Variants in CNTNAP2 observed in about 807,000 individuals in gnomAD.
CNTNAP2 encodes the protein contactin-associated protein-like 2.
In CNTNAP2, 98 loss-of-function variants were observed where a neutral mutation model predicts 155.2. The ratio of observed to expected loss-of-function variants is 0.63; its 90% CI spans 0.54 to 0.75. The LOEUF is 0.75. CNTNAP2 is among the 30% of genes least tolerant of loss of function. The probability of loss-of-function intolerance (pLI) is 0.00; values close to 1 mark genes in which losing one functional copy is unlikely to be tolerated. For missense variants in CNTNAP2, 1,727 were observed against 1,688.1 expected, an observed-to-expected ratio of 1.02 and a Z score of -0.40; for synonymous variants, 651 against 631.2, an observed-to-expected ratio of 1.03 and a Z score of -0.47.
intron 14 of CNTNAP2, among the ~76,000 whole-genome samples, chr7:147,961,863 T>C (rs1391652754): frequency 6.6e-6 from 1 of 152,260 alleles, no homozygotes; most frequent in East Asian, 1.9e-4. Context: ...TTAAAGGAAT[T>C]AAATTAGGAG....
chr7:146,197,015 A>C (rs562707151), intron 1 of CNTNAP2, among the ~76,000 whole-genome samples: 1 of 152,218 alleles, frequency 6.6e-6, no homozygotes, highest in Admixed American at 6.5e-5. Context: ...TTATTTCCTC[A>C]TAACCTCTCT....
chr7:147,439,268 A>G (rs1317145461), intron 10 of CNTNAP2, among the ~76,000 whole-genome samples: 1 of 151,972 alleles, frequency 6.6e-6, no homozygotes, highest in African/African-American at 2.4e-5. Flanking sequence ...CATATACCAT[A>G]GGTTTTGGTA....
At chr7:147,849,535 A>T (rs1308534173) in intron 13 of CNTNAP2, among the ~76,000 whole-genome samples, 3 of 152,218 alleles carry the variant, frequency 2.0e-5, no homozygotes, top group Non-Finnish European at 4.4e-5. Context: ...CAGCATTATC[A>T]ATTTAGAGCC....
intron 1 of CNTNAP2, among the ~76,000 whole-genome samples, chr7:146,248,327 G>T (rs902707373): frequency 1.3e-5 from 2 of 152,124 alleles, no homozygotes; most frequent in African/African-American, 4.8e-5. Flanking sequence ...AGGGGTTGGG[G>T]TACTTGCCCT....
At chr7:146,934,450 G>A (rs967570479) in intron 3 of CNTNAP2, among the ~76,000 whole-genome samples, 1 of 123,980 alleles carries the variant, frequency 8.1e-6, no homozygotes, top group Admixed American at 9.1e-5. Context: ...GTGGGGTGGG[G>A]GGAGGGGGAA....
intron 13 of CNTNAP2, among the ~76,000 whole-genome samples, chr7:147,761,813 A>G (rs76925383): frequency 2.0e-5 from 3 of 152,136 alleles, no homozygotes; most frequent in African/African-American, 7.2e-5. Context: ...ATTAATGATG[A>G]TCTAATGAAT....
At chr7:146,264,248 A>G (rs1799961179) in intron 1 of CNTNAP2, among the ~76,000 whole-genome samples, 1 of 152,096 alleles carries the variant, frequency 6.6e-6, no homozygotes, top group South Asian at 2.1e-4. Context: ...GTTTGAAACC[A>G]GTCTGGCCAA....
In CNTNAP2 at chr7:147,903,585, T is replaced by C. The variant is rs775663878; in HGVS notation, c.2119T>C (p.Trp707Arg). 2 of 1,614,186 alleles carry C rather than the reference T, an allele frequency of 1.2e-6. No individual in the cohort carries two copies. The highest frequency in any genetic ancestry group is 3.3e-5 in the Admixed American group (2 of 60,018). Reference protein sequence around the residue: ...NTPDGSPYTWWVGKANEKHYY... With the variant: ...NTPDGSPYTWRVGKANEKHYY... ...TGTAGATGGAAGCCCTTACACTTGG[T>C]GGGTTGGCAAAGCCAACGAGAAGCA... The change falls in exon 14 of 24, where the codon TGG (tryptophan) becomes CGG (arginine). Residue 707 changes from tryptophan to arginine, a missense_variant. Trp to Arg is a moderately radical substitution (Grantham distance 101). Coordinates refer to ENST00000361727, the MANE Select transcript of CNTNAP2 (RefSeq NM_014141.6).
At chr7:147,048,842 G>A (rs1799417663) in intron 4 of CNTNAP2, among the ~76,000 whole-genome samples, 1 of 152,116 alleles carries the variant, frequency 6.6e-6, no homozygotes, top group South Asian at 2.1e-4. Context: ...TAAAAGTTAT[G>A]TTTTAAGTGT....
At chr7:147,154,809 C>T (rs1456612478) in intron 8 of CNTNAP2, among the ~76,000 whole-genome samples, 1 of 150,884 alleles carries the variant, frequency 6.6e-6, no homozygotes, top group Non-Finnish European at 1.5e-5. Flanking sequence ...ACTTGAAGTA[C>T]AGGTAAATAT....
chr7:147,293,503 A>G (rs1433572024), intron 8 of CNTNAP2, among the ~76,000 whole-genome samples: 5 of 152,168 alleles, frequency 3.3e-5, no homozygotes, highest in African/African-American at 9.7e-5. Flanking sequence ...ACATCATAGA[A>G]CCCTGTAACT....
chr7:146,967,095 G>C (rs1797673327), intron 3 of CNTNAP2, among the ~76,000 whole-genome samples: 1 of 152,102 alleles, frequency 6.6e-6, no homozygotes, highest in Admixed American at 6.6e-5. Context: ...GGTTTTGTGT[G>C]TCAGATACCT....
At chr7:146,764,272 G>C (rs1007493213) in intron 1 of CNTNAP2, among the ~76,000 whole-genome samples, 1 of 152,110 alleles carries the variant, frequency 6.6e-6, no homozygotes, top group Non-Finnish European at 1.5e-5. Flanking sequence ...CTTCTTACGA[G>C]ACTGTAGAAT....
Position 147,749,075 on chromosome 7 carries a change from G to A in CNTNAP2, c.2098+109769G>A, listed in dbSNP as rs1797093016. ...TTTTTAGTTTTTGCATAAAACAAAT[G>A]CAATTGGTTATACAATATTTGGGGG... On this transcript the variant is annotated intron_variant, in intron 13 of 23. Transcript: ENST00000361727. 2.6e-5 allele frequency among the ~76,000 whole-genome samples: 4 copies of A among 152,302 alleles called. No homozygotes were observed. In the South Asian group the frequency reaches 8.3e-4, roughly 32 times the overall value.
chr7:146,188,024 C>T (rs568817142), intron 1 of CNTNAP2, among the ~76,000 whole-genome samples: 18 of 152,110 alleles, frequency 1.2e-4, no homozygotes, highest in East Asian at 1.2e-3. Context: ...TCTCTATAAT[C>T]GTAATATTTT....
At chr7:148,267,500 C>G (rs1257051745) in intron 21 of CNTNAP2, among the ~76,000 whole-genome samples, 1 of 151,798 alleles carries the variant, frequency 6.6e-6, no homozygotes, top group East Asian at 1.9e-4. Context: ...ACTAAAAATA[C>G]AAAAATTAGC....
intron 9 of CNTNAP2, among the ~76,000 whole-genome samples, chr7:147,384,811 G>A (rs955198545): frequency 1.3e-5 from 2 of 152,116 alleles, no homozygotes; most frequent in African/African-American, 4.8e-5. Flanking sequence ...AAAATTGCAA[G>A]AAGGATAAAA....
At chr7:147,367,730 G>A (rs543620548) in intron 9 of CNTNAP2, among the ~76,000 whole-genome samples, 49 of 152,114 alleles carry the variant, frequency 3.2e-4, no homozygotes, top group South Asian at 1.0e-3. Flanking sequence ...TCACACTTCC[G>A]GCTCCAGTTA....
chr7:148,300,599 A>G (rs570335655), intron 21 of CNTNAP2, among the ~76,000 whole-genome samples: 3 of 152,058 alleles, frequency 2.0e-5, no homozygotes, highest in African/African-American at 7.2e-5. Flanking sequence ...AAAAGTCACT[A>G]AAAGACCCTA....
Sources: allele counts gnomAD v4.1 joint callset (sites outside exome capture counted in the v4.1 genomes callset), GRCh38; gene constraint gnomAD v4.1.1; transcripts MANE v1.5; gene names NCBI Gene and HGNC (gene_info 2026-07-23, HGNC 2026-07-21).